DNAH12: variants seen among roughly 807,000 people sequenced by gnomAD.
The protein encoded by DNAH12 is axonemal beta dynein heavy chain 12.
A neutral mutation model predicts 371.5 loss-of-function variants in DNAH12; 285 were observed. That is an observed-to-expected ratio of 0.77 (90% confidence interval 0.70 to 0.85). The LOEUF (loss-of-function observed/expected upper bound fraction) is 0.85. DNAH12 is among the 40% of genes least tolerant of loss of function. DNAH12 has a pLI of 0.00. For missense variants in DNAH12, 3,611 were observed against 3,689.4 expected (o/e 0.98, Z 0.55); for synonymous variants, 1,200 against 1,213.0 (o/e 0.99, Z 0.22).
intron 59 of DNAH12, among the ~76,000 whole-genome samples, chr3:57,354,551 A>AAAAAAAAAAAAG (rs2062754769): frequency 2.9e-5 from 4 of 139,502 alleles, no homozygotes; most frequent in African/African-American, 7.9e-5. Flanking sequence ...AAAAAAAAAG[A>AAAAAAAAAAAAG]AAAAAAAAAA....
intron 19 of DNAH12, among the ~76,000 whole-genome samples, chr3:57,460,086 C>A (rs2066013335): frequency 6.6e-6 from 1 of 152,074 alleles, no homozygotes; most frequent in Non-Finnish European, 1.5e-5. Context: ...TCTCTACCAG[C>A]AGTGGTTATC....
intron 4 of DNAH12, among the ~76,000 whole-genome samples, chr3:57,521,757 G>A (rs2068454609): frequency 6.6e-6 from 1 of 151,350 alleles, no homozygotes; most frequent in Non-Finnish European, 1.5e-5. Flanking sequence ...CATGGTGGCA[G>A]GCGCCTGTAA....
In DNAH12 at chr3:57,472,222, G is replaced by C. The variant is rs546406852; in HGVS notation, c.1776+324C>G. Reference sequence around the variant, plus strand: ...GTCTCATATTTCTCATCTATAAAATGGAAGAAATGGGAGCATGTGGGATTT... The same window carrying C: ...GTCTCATATTTCTCATCTATAAAATCGAAGAAATGGGAGCATGTGGGATTT... On this transcript the variant is annotated intron_variant, in intron 14 of 73. Coordinates refer to ENST00000495027, the MANE Select transcript of DNAH12 (RefSeq NM_001366028.2). Among the ~76,000 whole-genome samples the C allele has an allele frequency of 2.0e-5, 3 of 149,372 alleles. No homozygotes were observed. The South Asian group carries it at 6.6e-4, about 33-fold the overall frequency.
intron 60 of DNAH12, among the ~76,000 whole-genome samples, chr3:57,337,239 G>A (rs2062245772): frequency 6.6e-6 from 1 of 152,184 alleles, no homozygotes; most frequent in African/African-American, 2.4e-5. Context: ...AGGCACGGTG[G>A]CTCACGCCTG....
At chr3:57,340,776 A>C (rs890330547) in intron 60 of DNAH12, among the ~76,000 whole-genome samples, 3 of 152,186 alleles carry the variant, frequency 2.0e-5, no homozygotes, top group Non-Finnish European at 2.9e-5. Flanking sequence ...CAAAAATTGA[A>C]GGGGAGGGAA....
rs1553674309 is a variant in DNAH12, at chr3:57,389,839, T to TAAAA, written c.7305+2032_7305+2033insTTTT. Among the ~76,000 whole-genome samples, 5 of 84,902 alleles carry TAAAA rather than the reference T, an allele frequency of 5.9e-5. 1 individual carries two copies. Among genetic ancestry groups the TAAAA allele is most frequent in the East Asian group, 1.5e-3 (2 of 1,336 alleles). The allele number at this position is 84,902 out of a possible 152,430, so 55.7% of individuals were successfully genotyped here. A position where few individuals can be genotyped will look rare whatever the true frequency, so the allele number is the denominator to read the frequency against. ...GTGTGTGTGTATATATATATATATA[T>TAAAA]AATACTTTTTTTTTTGAAATGGAGT... On this transcript the variant is annotated intron_variant, in intron 45 of 73. Transcript: ENST00000495027.
At chr3:57,396,205 G>A (rs1476261834) in intron 43 of DNAH12, among the ~76,000 whole-genome samples, 55 of 146,108 alleles carry the variant, frequency 3.8e-4, no homozygotes, top group Non-Finnish European at 6.7e-4. Flanking sequence ...TTGAACCTGG[G>A]AGGCAGAGGT....
intron 34 of DNAH12, 165 bp downstream of exon 34, chr3:57,428,468 A>G: frequency 6.5e-7 from 1 of 1,535,626 alleles, no homozygotes. Context: ...TCAACCCCTG[A>G]GTTATGCAGC....
At chr3:57,479,730 C>A (rs986576500) in intron 13 of DNAH12, among the ~76,000 whole-genome samples, 2 of 152,074 alleles carry the variant, frequency 1.3e-5, no homozygotes, top group Admixed American at 1.3e-4. Context: ...TCTCTCAGAC[C>A]ACAGTGCAAT....
At chr3:57,515,163 C>T (rs993150842) in intron 4 of DNAH12, among the ~76,000 whole-genome samples, 4 of 152,016 alleles carry the variant, frequency 2.6e-5, no homozygotes, top group African/African-American at 9.7e-5. Context: ...TTTTCTAGAT[C>T]TTCTGCTGAG....
intron 52 of DNAH12, among the ~76,000 whole-genome samples, chr3:57,378,812 A>T (rs1281199914): frequency 6.6e-6 from 1 of 152,094 alleles, no homozygotes; most frequent in African/African-American, 2.4e-5. Context: ...CAACTTTTTA[A>T]TCTGGCACTT....
At chr3:57,327,997 C>A (rs1241617202) in intron 62 of DNAH12, among the ~76,000 whole-genome samples, 219 of 145,718 alleles carry the variant, frequency 1.5e-3, no homozygotes, top group African/African-American at 3.8e-3. Context: ...TACACTCTCC[C>A]AAGACTAAAC....
intron 59 of DNAH12, among the ~76,000 whole-genome samples, chr3:57,353,896 G>A (rs2062739145): frequency 6.6e-6 from 1 of 152,146 alleles, no homozygotes; most frequent in Non-Finnish European, 1.5e-5. Flanking sequence ...GTGAAGTTGT[G>A]GAGCAAAGGG....
intron 4 of DNAH12, among the ~76,000 whole-genome samples, chr3:57,522,809 GT>G (rs1265264285): frequency 6.6e-6 from 1 of 151,124 alleles, no homozygotes; most frequent in Non-Finnish European, 1.5e-5. Flanking sequence ...CATATCATAA[GT>G]CCCCTGTTGC....
chr3:57,312,310 C>T (rs2317879), intron 66 of DNAH12, among the ~76,000 whole-genome samples: 35,052 of 152,070 alleles, frequency 0.23, 4,334 homozygotes, highest in African/African-American at 0.28. Flanking sequence ...TTTTCCATGT[C>T]TCTTCTTTGG....
chr3:57,470,386 A>G, intron 16 of DNAH12, 57 bp downstream of exon 16: 1 of 1,443,626 alleles, frequency 6.9e-7, no homozygotes, highest in Non-Finnish European at 9.2e-7. Flanking sequence ...ATCAATTTAT[A>G]TTTTACAAAT....
intron 43 of DNAH12, among the ~76,000 whole-genome samples, chr3:57,395,713 G>A (rs2063722372): frequency 6.6e-6 from 1 of 152,156 alleles, no homozygotes; most frequent in Non-Finnish European, 1.5e-5. Flanking sequence ...GAGAGGGTGA[G>A]GCAGGAGGAT....
intron 12 of DNAH12, among the ~76,000 whole-genome samples, chr3:57,488,812 T>C (rs769242564): frequency 4.3e-4 from 66 of 152,154 alleles, no homozygotes; most frequent in Non-Finnish European, 1.2e-4. Flanking sequence ...GGTTGAGCAC[T>C]GGGTGAACAA....
intron 35 of DNAH12, 55 bp downstream of exon 35, chr3:57,424,967 G>GT: frequency 1.5e-6 from 1 of 677,260 alleles, no homozygotes; most frequent in South Asian, 1.6e-5. Context: ...TAAACATCAT[G>GT]TACCAGAAGC....
Sources: allele counts gnomAD v4.1 joint callset (sites outside exome capture counted in the v4.1 genomes callset), GRCh38; gene constraint gnomAD v4.1.1; transcripts MANE v1.5; gene names NCBI Gene and HGNC (gene_info 2026-07-23, HGNC 2026-07-21).